The following PRKDC variants were observed in gnomAD, a reference collection of about 807,000 sequenced individuals.
PRKDC encodes the protein protein kinase, DNA-activated, catalytic subunit, also known as DNA-dependent protein kinase catalytic subunit.
A neutral mutation model predicts 486.9 loss-of-function variants in PRKDC; 82 were observed. The ratio of observed to expected loss-of-function variants is 0.17; its 90% CI spans 0.14 to 0.20. PRKDC has a LOEUF of 0.20. Ranked by LOEUF, PRKDC falls within the 10% of genes least tolerant of loss-of-function variation. The pLI, the probability that PRKDC is intolerant of heterozygous loss-of-function variation, is 1.00. For missense variants in PRKDC, 4,504 were observed against 5,038.2 expected, an observed-to-expected ratio of 0.89 and a Z score of 3.21; for synonymous variants, 1,895 against 1,837.0, an observed-to-expected ratio of 1.03 and a Z score of -0.81.
intron 14 of PRKDC, among the ~76,000 whole-genome samples, chr8:47,934,362 A>T (rs1001819515): frequency 2.0e-5 from 3 of 152,094 alleles, no homozygotes; most frequent in African/African-American, 4.8e-5. Context: ...ACATGGCAAA[A>T]TGTCTCTACT....
intron 68 of PRKDC, among the ~76,000 whole-genome samples, chr8:47,814,453 CCAGAGAACCTGCAAAA>C (rs2087399502): frequency 6.6e-6 from 1 of 151,842 alleles, no homozygotes; most frequent in South Asian, 2.1e-4. Flanking sequence ...ATAGAAAATC[CCAGAGAACCTGCAAAA>C]CAAGAACTAA....
chr8:47,957,385 T>C lies in PRKDC; in HGVS notation c.201A>G (p.Val67=). 6.3e-7 allele frequency: 1 copy of C among 1,597,880 alleles called. No homozygotes were observed. Among genetic ancestry groups the C allele is most frequent in the Non-Finnish European group, 8.5e-7 (1 of 1,171,484 alleles). ...TACTGTTGAGTGACTTCCGGACAAA[T>C]ACAAGCAAACCGAAATCTCTGGAAA... is the stretch of plus-strand genomic sequence containing the variant. ...LVFSRDFGLL[V]FVRKSLNSIE... Residue 67 remains valine, a synonymous_variant, in exon 2 of 86, where the codon GTA becomes GTG. Coordinates refer to ENST00000314191, the MANE Select transcript of PRKDC (RefSeq NM_006904.7).
chr8:47,935,973 A>G, intron 12 of PRKDC, 73 bp from the exon 13 acceptor site: 1 of 1,361,220 alleles, frequency 7.3e-7, no homozygotes, highest in Non-Finnish European at 1.0e-6. Context: ...CAAATATTCA[A>G]AGTAATTACA....
intron 51 of PRKDC, 130 bp downstream of exon 51, chr8:47,853,953 C>T: frequency 8.3e-7 from 1 of 1,201,344 alleles, no homozygotes. Flanking sequence ...AGGCATGAGC[C>T]ACCGTGCCTG....
chr8:47,927,807 A>G lies in PRKDC; in HGVS notation c.2223T>C (p.Ile741=), dbSNP rs767428358. Residue 741 remains isoleucine, a synonymous_variant, in exon 20 of 86, where the codon ATT becomes ATC. Coordinates refer to ENST00000314191, the MANE Select transcript of PRKDC (RefSeq NM_006904.7). ...GAACGTAGGCTCTAACATCGAGTTC[A>G]ATGATGTTGTGTGGCAAGGACAGAA... ...TFLLSLPHNI[I]ELDVRAYVPA... 6.3e-7 allele frequency: 1 copy of G among 1,589,482 alleles called. No individual in the cohort carries two copies. The highest frequency in any genetic ancestry group is 1.4e-5 in the African/African-American group (1 of 73,772).
intron 66 of PRKDC, 123 bp downstream of exon 66, chr8:47,820,596 T>C: frequency 1.6e-6 from 1 of 622,170 alleles, no homozygotes. Context: ...TTTGTTGATT[T>C]TTTTCATGAG....
intron 50 of PRKDC, 63 bp from the exon 51 acceptor site, chr8:47,854,277 A>G: frequency 6.4e-7 from 1 of 1,563,744 alleles, no homozygotes; most frequent in Non-Finnish European, 8.8e-7. Context: ...AAGCAGGAAG[A>G]CAAATACAGA....
intron 25 of PRKDC, among the ~76,000 whole-genome samples, chr8:47,910,080 C>T (rs928824050): frequency 3.3e-5 from 5 of 152,252 alleles, no homozygotes; most frequent in South Asian, 4.2e-4. Flanking sequence ...GTTGTCATCA[C>T]GGTCCCGGGT....
intron 40 of PRKDC, 110 bp downstream of exon 40, chr8:47,877,614 A>C: frequency 8.8e-7 from 1 of 1,130,324 alleles, no homozygotes; most frequent in Non-Finnish European, 1.2e-6. Flanking sequence ...AATAAAGTTT[A>C]GTAGCAAGAA....
At chr8:47,886,502 G>A (rs980178882) in intron 35 of PRKDC, among the ~76,000 whole-genome samples, 1 of 150,542 alleles carries the variant, frequency 6.6e-6, no homozygotes, top group South Asian at 2.1e-4. Flanking sequence ...GCAATTCTCC[G>A]GCCTCAGCAC....
chr8:47,903,159 T>C (rs554138514), intron 26 of PRKDC, among the ~76,000 whole-genome samples: 1 of 152,280 alleles, frequency 6.6e-6, no homozygotes, highest in South Asian at 2.1e-4. Context: ...TTTTACCCCA[T>C]AACAGCTTTT....
chr8:47,800,752 C>T (rs1157682765), intron 71 of PRKDC, 41 bp downstream of exon 71: 1 of 1,526,074 alleles, frequency 6.6e-7, no homozygotes, highest in Non-Finnish European at 8.9e-7. Context: ...ACATTGAAGA[C>T]ATACACAGCA....
At position 47,799,330 on chromosome 8, in the gene PRKDC, C is replaced by G; in HGVS notation, c.10177G>C (p.Glu3393Gln). Reference protein sequence around the residue: ...QHLSEAVQAAEEEAQPPSWSC... With the variant: ...QHLSEAVQAAQEEAQPPSWSC... ...CAGGAGGGAGGCTGGGCCTCCTCCT[C>G]AGCCGCCTGCACAGCCTCAGAGAGG... The change falls in exon 72 of 86, where the codon GAG becomes CAG. Residue 3393 changes from glutamate to glutamine, a missense_variant. Physicochemically the swap from Glu to Gln is conservative, Grantham distance 29. Coordinates refer to ENST00000314191, the MANE Select transcript of PRKDC (RefSeq NM_006904.7). 1.2e-6 allele frequency: 2 copies of G among 1,612,086 alleles called. No individual in the cohort carries two copies. Among genetic ancestry groups the G allele is most frequent in the South Asian group, 2.2e-5 (2 of 91,052 alleles).
rs770587016 is a variant in PRKDC, at chr8:47,803,451, C to A, written c.9777G>T (p.Leu3259=). The change falls in exon 70 of 86, where the codon CTG becomes CTT. Residue 3259 remains leucine (L), a synonymous_variant. Coordinates refer to ENST00000314191, the MANE Select transcript of PRKDC (RefSeq NM_006904.7). Reference sequence around the variant, plus strand: ...TTTTTGACTCTTTATGCAGCTCCTTCAGTAGTTTCATAGCAAGTGAGAAAT... The same window carrying A: ...TTTTTGACTCTTTATGCAGCTCCTTAAGTAGTTTCATAGCAAGTGAGAAAT... ...QNNFSLAMKL[L]KELHKESKTR... The A allele has an allele frequency of 6.2e-7, 1 of 1,613,852 alleles. No individual in the cohort carries two copies. The highest frequency in any genetic ancestry group is 8.5e-7 in the Non-Finnish European group (1 of 1,179,890).
At chr8:47,878,780 T>C (rs557510717) in intron 39 of PRKDC, among the ~76,000 whole-genome samples, 1 of 152,356 alleles carries the variant, frequency 6.6e-6, no homozygotes, top group Admixed American at 6.5e-5. Flanking sequence ...TCTCTGAAAC[T>C]GTTGTGTGCA....
chr8:47,796,332 G>A (rs552547550), intron 73 of PRKDC, among the ~76,000 whole-genome samples: 13 of 151,568 alleles, frequency 8.6e-5, no homozygotes, highest in Non-Finnish European at 1.3e-4. Context: ...GCGAGACTCC[G>A]TCACCAAAAA....
At chr8:47,887,018 T>C (rs1285596580) in intron 35 of PRKDC, among the ~76,000 whole-genome samples, 1 of 152,192 alleles carries the variant, frequency 6.6e-6, no homozygotes, top group Non-Finnish European at 1.5e-5. Context: ...TTTACATTAA[T>C]CGGACAAAGG....
intron 60 of PRKDC, 136 bp from the exon 61 acceptor site, chr8:47,830,872 T>C: frequency 9.5e-7 from 1 of 1,048,616 alleles, no homozygotes; most frequent in Non-Finnish European, 1.4e-6. Flanking sequence ...AGAGGCTCAG[T>C]CGCCGTACTT....
intron 25 of PRKDC, among the ~76,000 whole-genome samples, chr8:47,911,125 G>T (rs1563799474): frequency 6.6e-6 from 1 of 152,132 alleles, no homozygotes; most frequent in Non-Finnish European, 1.5e-5. Context: ...CAAATAGTTA[G>T]TGGGGCTGAT....
Sources: allele counts gnomAD v4.1 joint callset (sites outside exome capture counted in the v4.1 genomes callset), GRCh38; gene constraint gnomAD v4.1.1; transcripts MANE v1.5; gene names NCBI Gene and HGNC (gene_info 2026-07-23, HGNC 2026-07-21).